PAM: variants seen among roughly 807,000 people sequenced by gnomAD.
PAM encodes the protein peptidylglycine alpha-amidating monooxygenase.
Under a neutral mutation model 122.1 loss-of-function variants are expected in PAM, and 72 were observed. The ratio of observed to expected loss-of-function variants is 0.59; its 90% confidence interval spans 0.49 to 0.72. The LOEUF (loss-of-function observed/expected upper bound fraction) is 0.72. Among genes scored for constraint, PAM ranks in the 30% least tolerant of loss-of-function variants. The pLI, the probability that PAM is intolerant of heterozygous loss-of-function variation, is 0.00. For synonymous variants in PAM, 389 were observed against 404.4 expected, an observed-to-expected ratio of 0.96 and a Z score of 0.46; for missense variants, 1,106 against 1,183.7, an observed-to-expected ratio of 0.93 and a Z score of 0.96.
intron 5 of PAM, among the ~76,000 whole-genome samples, chr5:102,924,231 A>G (rs1748495253): frequency 1.3e-5 from 2 of 152,044 alleles, no homozygotes; most frequent in Admixed American, 6.6e-5. Flanking sequence ...CAGGAGTTCA[A>G]GACTAGCCTG....
At chr5:102,829,363 G>GTTT (rs70990417) in intron 1 of PAM, among the ~76,000 whole-genome samples, 30 of 140,498 alleles carry the variant, frequency 2.1e-4, no homozygotes, top group African/African-American at 5.2e-4. Context: ...CAACTGGGAG[G>GTTT]TTTTTTTTTT....
At chr5:102,907,365 C>G (rs1013269248) in intron 4 of PAM, among the ~76,000 whole-genome samples, 1 of 151,454 alleles carries the variant, frequency 6.6e-6, no homozygotes, top group African/African-American at 2.4e-5. Flanking sequence ...TTAATCCAGT[C>G]TATCATTGTT....
Position 102,923,001 on chromosome 5 carries a change from A to C in PAM, c.357-1956A>C, listed in dbSNP as rs114593791. Reference sequence around the variant, plus strand: ...TCTCACATGGTAATGATCAGTCATCATAAGTATATTGTATTTGACAGTGAA... The same window carrying C: ...TCTCACATGGTAATGATCAGTCATCCTAAGTATATTGTATTTGACAGTGAA... On this transcript the variant is annotated intron_variant, in intron 5 of 25. Transcript: ENST00000438793. Among the ~76,000 whole-genome samples the C allele has an allele frequency of 5.2e-3, 793 of 152,342 alleles. 9 individuals carry two copies. The highest frequency in any genetic ancestry group is 0.018 in the African/African-American group (754 of 41,584).
At chr5:103,000,921 T>C (rs1277540489) in intron 16 of PAM, among the ~76,000 whole-genome samples, 1 of 152,264 alleles carries the variant, frequency 6.6e-6, no homozygotes. Context: ...ATGGAACTTA[T>C]GTAAAGTCTC....
chr5:102,965,245 TA>T (rs1364052593), intron 14 of PAM, among the ~76,000 whole-genome samples: 2 of 151,478 alleles, frequency 1.3e-5, no homozygotes, highest in Non-Finnish European at 3.0e-5. Context: ...ACACATTTTG[TA>T]AGTTCTCTTT....
intron 3 of PAM, among the ~76,000 whole-genome samples, chr5:102,891,447 G>A (rs1794765844): frequency 6.6e-6 from 1 of 151,862 alleles, no homozygotes; most frequent in Non-Finnish European, 1.5e-5. Context: ...TGAGTTAGAA[G>A]TTTAAGGGAA....
chr5:102,955,234 C>G (rs937368225), intron 12 of PAM, among the ~76,000 whole-genome samples: 2 of 151,920 alleles, frequency 1.3e-5, no homozygotes, highest in Non-Finnish European at 2.9e-5. Flanking sequence ...TTTCAGATTA[C>G]TTGGTGCTTT....
intron 1 of PAM, among the ~76,000 whole-genome samples, chr5:102,790,913 T>G (rs1761894382): frequency 6.6e-6 from 1 of 152,132 alleles, no homozygotes; most frequent in African/African-American, 2.4e-5. Context: ...CTGATATCAT[T>G]TGTTTGTGTG....
At chr5:102,836,297 T>C (rs996077649) in intron 1 of PAM, among the ~76,000 whole-genome samples, 2 of 152,222 alleles carry the variant, frequency 1.3e-5, no homozygotes, top group Non-Finnish European at 2.9e-5. Flanking sequence ...AATGACAGTA[T>C]GTGTAATATG....
At chr5:102,982,728 T>G (rs1770332309) in intron 15 of PAM, among the ~76,000 whole-genome samples, 1 of 152,184 alleles carries the variant, frequency 6.6e-6, no homozygotes, top group South Asian at 2.1e-4. Flanking sequence ...AAAAACATTT[T>G]TCCTTATGAA....
chr5:102,838,722 G>A (rs2150538606), intron 1 of PAM: 1 of 152,262 alleles, frequency 6.6e-6, no homozygotes, highest in East Asian at 1.9e-4. Context: ...AAACAGTGAG[G>A]AGAAGGCAGA....
intron 16 of PAM, among the ~76,000 whole-genome samples, chr5:102,997,686 A>C (rs954393792): frequency 6.6e-6 from 1 of 152,220 alleles, no homozygotes; most frequent in East Asian, 1.9e-4. Context: ...TGATCCTCAA[A>C]TTAGTTAATT....
chr5:102,946,563 A>G (rs1215573465), intron 7 of PAM, among the ~76,000 whole-genome samples: 8 of 148,306 alleles, frequency 5.4e-5, no homozygotes, highest in African/African-American at 2.0e-4. Flanking sequence ...AGTATCTAGT[A>G]TGTCTGCAGG....
chr5:102,795,347 A>G (rs1763144561), intron 1 of PAM, among the ~76,000 whole-genome samples: 2 of 152,054 alleles, frequency 1.3e-5, no homozygotes, highest in Non-Finnish European at 2.9e-5. Context: ...TACTATTGAG[A>G]TTTTTGCAGG....
intron 15 of PAM, among the ~76,000 whole-genome samples, chr5:102,987,046 A>G (rs1030320606): frequency 3.3e-5 from 5 of 152,198 alleles, no homozygotes; most frequent in African/African-American, 1.2e-4. Context: ...CATTATACCA[A>G]TGACATTTTT....
At chr5:102,991,606 C>T (rs142572842) in intron 16 of PAM, among the ~76,000 whole-genome samples, 19 of 152,006 alleles carry the variant, frequency 1.2e-4, no homozygotes, top group African/African-American at 4.3e-4. Context: ...TTTGTGCAGT[C>T]GAAGATGAAA....
chr5:103,009,679 T>C (rs1278931672), intron 20 of PAM, 72 bp from the exon 21 acceptor site: 1 of 819,366 alleles, frequency 1.2e-6, no homozygotes, highest in African/African-American at 1.7e-5. Context: ...CTTTGCATAA[T>C]ATACATGGAT....
chr5:102,950,412 G>T (rs62362518), intron 11 of PAM, among the ~76,000 whole-genome samples: 5 of 94,582 alleles, frequency 5.3e-5, no homozygotes, highest in Non-Finnish European at 1.2e-4. Flanking sequence ...TGTGTATGTG[G>T]GTGGGTGTGT....
At chr5:102,800,120 G>A (rs192258553) in intron 1 of PAM, among the ~76,000 whole-genome samples, 8 of 152,196 alleles carry the variant, frequency 5.3e-5, no homozygotes, top group Middle Eastern at 3.4e-3. Context: ...AGCCACACTG[G>A]GCTTCCTTAT....
Sources: gnomAD v4.1 joint callset for allele counts (sites outside exome capture counted in the v4.1 genomes callset) on GRCh38, gnomAD v4.1.1 for gene constraint, MANE v1.5 for transcripts, NCBI Gene and HGNC (gene_info 2026-07-23, HGNC 2026-07-21) for gene names.